ZDHHC15: variants seen among roughly 807,000 people sequenced by gnomAD.
The protein encoded by ZDHHC15 is zDHHC palmitoyltransferase 15.
Under a neutral mutation model 31.7 loss-of-function variants are expected in ZDHHC15, and 19 were observed. That is an observed-to-expected ratio of 0.60 (90% confidence interval 0.42 to 0.88). ZDHHC15 has a LOEUF of 0.88. Among genes scored for constraint, ZDHHC15 ranks in the 40% least tolerant of loss-of-function variants. ZDHHC15 has a pLI of 0.00. For missense variants in ZDHHC15, 209 were observed against 251.2 expected (o/e 0.83, Z 1.14); for synonymous variants, 103 against 90.0 (o/e 1.14, Z -0.82).
intron 2 of ZDHHC15, among the ~76,000 whole-genome samples, chrX:75,489,170 G>A (rs370303885): frequency 8.9e-6 from 1 of 112,037 alleles, no homozygotes; most frequent in Non-Finnish European, 1.9e-5. Flanking sequence ...TGGGGGCAGG[G>A]CACAGACAAA....
At chrX:75,493,505 TTGA>T (rs1373816212) in intron 2 of ZDHHC15, among the ~76,000 whole-genome samples, 1 of 111,748 alleles carries the variant, frequency 8.9e-6, no homozygotes, top group Non-Finnish European at 1.9e-5. Context: ...ACCAATATCC[TTGA>T]TGAACATCCA....
At chrX:75,452,892 T>C (rs978306519) in intron 3 of ZDHHC15, among the ~76,000 whole-genome samples, 2 of 111,528 alleles carry the variant, frequency 1.8e-5, no homozygotes, top group Non-Finnish European at 3.8e-5. Flanking sequence ...AGTGTGTAGA[T>C]GGAAATTTAT....
intron 10 of ZDHHC15, among the ~76,000 whole-genome samples, chrX:75,408,828 G>C (rs1198243355): frequency 9.0e-6 from 1 of 111,723 alleles, no homozygotes. Context: ...AATAAATCAA[G>C]GAAGTAATTC....
intron 10 of ZDHHC15, among the ~76,000 whole-genome samples, chrX:75,388,395 C>T (rs1473947849): frequency 1.8e-5 from 2 of 111,720 alleles, no homozygotes; most frequent in Non-Finnish European, 3.8e-5. Flanking sequence ...AGGTAGTATA[C>T]AAATACATAA....
rs755623373 is a variant in ZDHHC15 at position 75,460,312 on chromosome X, G to A, written c.259-9390C>T. 2.7e-5 allele frequency among the ~76,000 whole-genome samples: 3 copies of A among 111,452 alleles called. No homozygotes were observed. The South Asian group carries it at 1.2e-3, about 44-fold the overall frequency. ...CCTGGGATGGAGCTTCCAGGGGGAG[G>A]GGTGGCTGTTATCTCTGTGGTGCAG... On this transcript the variant is annotated intron_variant, in intron 3 of 11. Coordinates refer to ENST00000373367, the MANE Select transcript of ZDHHC15 (RefSeq NM_144969.3).
At chrX:75,433,691 GTGTGTGTATATATA>G (rs1487564020) in intron 4 of ZDHHC15, among the ~76,000 whole-genome samples, 8 of 6,530 alleles carry the variant, frequency 1.2e-3, no homozygotes, top group Admixed American at 3.5e-3. Flanking sequence ...GTGTGTGTGT[GTGTGTGTATATATA>G]TATATATATA....
At chrX:75,391,370 G>T (rs1156894356) in intron 10 of ZDHHC15, among the ~76,000 whole-genome samples, 1 of 111,772 alleles carries the variant, frequency 8.9e-6, no homozygotes, top group Non-Finnish European at 1.9e-5. Context: ...TTACAAGAAG[G>T]TGATAGAAGA....
chrX:75,495,096 C>A (rs1213047138), intron 2 of ZDHHC15, among the ~76,000 whole-genome samples: 1 of 111,315 alleles, frequency 9.0e-6, no homozygotes, highest in South Asian at 3.8e-4. Flanking sequence ...AGAAAAAAAA[C>A]AACCCCATCA....
intron 3 of ZDHHC15, among the ~76,000 whole-genome samples, chrX:75,468,874 C>T (rs2084455968): frequency 8.9e-6 from 1 of 111,906 alleles, no homozygotes; most frequent in Non-Finnish European, 1.9e-5. Context: ...GGAGACATGT[C>T]TATTCAAATC....
intron 2 of ZDHHC15, among the ~76,000 whole-genome samples, 198 bp downstream of exon 2, chrX:75,505,623 G>T (rs375752145): frequency 2.3e-4 from 25 of 110,977 alleles, no homozygotes; most frequent in Non-Finnish European, 4.2e-4. Flanking sequence ...TCCAATTCTT[G>T]CCCTACAGCC....
At chrX:75,392,621 C>T (rs1211246800) in intron 10 of ZDHHC15, among the ~76,000 whole-genome samples, 2 of 112,015 alleles carry the variant, frequency 1.8e-5, no homozygotes, top group Non-Finnish European at 3.8e-5. Flanking sequence ...ATCCTTTGTA[C>T]AACTGCAACC....
chrX:75,499,037 G>T, intron 2 of ZDHHC15, among the ~76,000 whole-genome samples: 1 of 111,470 alleles, frequency 9.0e-6, no homozygotes, highest in African/African-American at 3.3e-5. Context: ...ATGGGGAAAG[G>T]ACACCCGATT....
chrX:75,373,681 AT>A (rs1373124428), intron 11 of ZDHHC15, among the ~76,000 whole-genome samples: 1 of 110,747 alleles, frequency 9.0e-6, no homozygotes, highest in South Asian at 3.8e-4. Context: ...TTTATTTTTA[AT>A]TTTTATGGGT....
intron 2 of ZDHHC15, among the ~76,000 whole-genome samples, 159 bp downstream of exon 2, chrX:75,505,658 CTCTA>C (rs928356727): frequency 2.7e-5 from 3 of 111,311 alleles, no homozygotes; most frequent in African/African-American, 9.8e-5. Flanking sequence ...AAATGTTTTT[CTCTA>C]TCTCTGTGTA....
chrX:75,399,870 A>G (rs1353223500), intron 10 of ZDHHC15, among the ~76,000 whole-genome samples: 1 of 111,523 alleles, frequency 9.0e-6, no homozygotes, highest in East Asian at 2.8e-4. Flanking sequence ...AAAATTCATC[A>G]CTAAAATAAC....
chrX:75,443,215 C>A (rs780582190), intron 4 of ZDHHC15, among the ~76,000 whole-genome samples: 2 of 110,113 alleles, frequency 1.8e-5, no homozygotes, highest in African/African-American at 6.6e-5. Context: ...TCAAACTCTA[C>A]TACAAGGCTA....
At chrX:75,408,923 T>C (rs1178265243) in intron 10 of ZDHHC15, among the ~76,000 whole-genome samples, 2 of 111,451 alleles carry the variant, frequency 1.8e-5, no homozygotes, top group African/African-American at 6.5e-5. Flanking sequence ...CTATAAAACA[T>C]TGATGAAAAA....
rs760961867 is a variant in ZDHHC15, at chrX:75,436,261, T to C, written c.380-4741A>G. Among the ~76,000 whole-genome samples, 17 of 112,175 alleles carry C rather than the reference T, an allele frequency of 1.5e-4. No homozygotes were observed. In the East Asian group the frequency reaches 4.2e-3, roughly 28 times the overall value. On this transcript the variant is annotated intron_variant, in intron 4 of 11. Coordinates refer to ENST00000373367, the MANE Select transcript of ZDHHC15 (RefSeq NM_144969.3). Reference sequence around the variant, plus strand: ...GTTTATCTCACTAATTGTCTATCAATTTTATCTTTTCGAAGAACAAGCTTT... The same window carrying C: ...GTTTATCTCACTAATTGTCTATCAACTTTATCTTTTCGAAGAACAAGCTTT...
chrX:75,458,036 T>G (rs2084252330), intron 3 of ZDHHC15, among the ~76,000 whole-genome samples: 1 of 111,492 alleles, frequency 9.0e-6, no homozygotes, highest in Non-Finnish European at 1.9e-5. Flanking sequence ...ACAAGAATGT[T>G]CATTGGAGCT....
Sources: gnomAD v4.1 joint callset for allele counts (sites outside exome capture counted in the v4.1 genomes callset) on GRCh38, gnomAD v4.1.1 for gene constraint, MANE v1.5 for transcripts, NCBI Gene and HGNC (gene_info 2026-07-23, HGNC 2026-07-21) for gene names.